EDAR: variants seen among roughly 807,000 people sequenced by gnomAD.
EDAR encodes the protein ectodysplasin A receptor, also known as tumor necrosis factor receptor superfamily member EDAR.
In EDAR, 38 loss-of-function variants were observed where a neutral mutation model predicts 51.3. The ratio of observed to expected loss-of-function variants is 0.74; its 90% confidence interval spans 0.57 to 0.97. EDAR has a LOEUF of 0.97. Among genes scored for constraint, EDAR ranks in the 50% least tolerant of loss-of-function variants. The probability of loss-of-function intolerance (pLI) is 0.00; values close to 1 mark genes in which losing one functional copy is unlikely to be tolerated. For synonymous variants in EDAR, 227 were observed against 242.1 expected (o/e 0.94, Z 0.58); for missense variants, 528 against 595.0 (o/e 0.89, Z 1.17).
At chr2:108,921,012 T>C (rs1260534092) in intron 5 of EDAR, among the ~76,000 whole-genome samples, 1 of 152,134 alleles carries the variant, frequency 6.6e-6, no homozygotes, top group African/African-American at 2.4e-5. Flanking sequence ...AAAATGTACA[T>C]TCTCTGGCTC....
intron 5 of EDAR, among the ~76,000 whole-genome samples, chr2:108,917,938 A>G (rs1360544614): frequency 6.6e-6 from 1 of 152,088 alleles, no homozygotes; most frequent in Non-Finnish European, 1.5e-5. Context: ...AAAAATTGCC[A>G]TGGAAAACAA....
In EDAR at chr2:108,921,903, G is replaced by A. The variant is rs571921685; in HGVS notation, c.442+1465C>T. On this transcript the variant is annotated intron_variant, in intron 5 of 11. Transcript: ENST00000258443. ...TTCTCTGCTGACCTCCTTCAGGGCCGGATTCTAAGGCCCTACCCCGAGGCT... is the reference window on the plus strand; with the variant it reads ...TTCTCTGCTGACCTCCTTCAGGGCCAGATTCTAAGGCCCTACCCCGAGGCT... Among the ~76,000 whole-genome samples the A allele has an allele frequency of 2.0e-3, 299 of 152,356 alleles. 3 individuals carry two copies. The highest frequency in any genetic ancestry group is 2.6e-3 in the Non-Finnish European group (180 of 68,030).
Position 108,907,900 on chromosome 2 carries a change from A to C in EDAR, c.923T>G (p.Leu308Arg). ...PELCLLSLVH[L>R]AREKSATSNK... ...GCTGGTGGCAGACTTCTCCCTGGCC[A>C]GGTGAACCAGCGACAGCAGGCACAG... is the stretch of plus-strand genomic sequence containing the variant. The change falls in exon 10 of 12, where the codon CTG becomes CGG. Residue 308 changes from leucine (L) to arginine (R), a missense_variant. Leu to Arg is a moderately radical substitution (Grantham distance 102, BLOSUM62 -2). Transcript: ENST00000258443. The C allele has an allele frequency of 6.2e-7, 1 of 1,613,650 alleles. No individual in the cohort carries two copies. The highest frequency in any genetic ancestry group is 8.5e-7 in the Non-Finnish European group (1 of 1,180,024).
At chr2:108,969,334 C>T (rs1171226137) in intron 1 of EDAR, among the ~76,000 whole-genome samples, 2 of 152,056 alleles carry the variant, frequency 1.3e-5, no homozygotes, top group African/African-American at 4.8e-5. Flanking sequence ...CTTTCTTGGT[C>T]TTGTTCTTGC....
intron 1 of EDAR, among the ~76,000 whole-genome samples, chr2:108,967,624 G>C (rs1270646437): frequency 6.6e-6 from 1 of 152,208 alleles, no homozygotes; most frequent in Non-Finnish European, 1.5e-5. Flanking sequence ...ATGCCTGACA[G>C]AGTGTGTCTT....
intron 11 of EDAR, among the ~76,000 whole-genome samples, chr2:108,904,736 C>T (rs1696770680): frequency 6.6e-6 from 1 of 152,102 alleles, no homozygotes; most frequent in Non-Finnish European, 1.5e-5. Flanking sequence ...CTTGTGATTC[C>T]ACTTTTATAA....
chr2:108,902,075 T>TA (rs1696711058), intron 11 of EDAR, among the ~76,000 whole-genome samples: 1 of 151,778 alleles, frequency 6.6e-6, no homozygotes, highest in South Asian at 2.1e-4. Context: ...CCATATCTAC[T>TA]AAAAATACAA....
intron 1 of EDAR, among the ~76,000 whole-genome samples, chr2:108,977,417 C>T (rs1379631513): frequency 1.3e-5 from 2 of 152,128 alleles, no homozygotes; most frequent in Admixed American, 6.5e-5. Flanking sequence ...TACAGGCACC[C>T]GCCACCATGC....
chr2:108,927,021 G>A (rs1456134787), intron 4 of EDAR, among the ~76,000 whole-genome samples: 1 of 152,204 alleles, frequency 6.6e-6, no homozygotes, highest in Non-Finnish European at 1.5e-5. Context: ...CCCCTGAGAG[G>A]GGCTGGGATT....
intron 1 of EDAR, among the ~76,000 whole-genome samples, chr2:108,976,746 A>C (rs1698328924): frequency 6.6e-6 from 1 of 152,120 alleles, no homozygotes; most frequent in Non-Finnish European, 1.5e-5. Flanking sequence ...AGCTATGGTG[A>C]CTGGGAGCTC....
chr2:108,911,470 G>A (rs150699832), intron 6 of EDAR, among the ~76,000 whole-genome samples: 48 of 152,294 alleles, frequency 3.2e-4, no homozygotes, highest in African/African-American at 1.1e-3. Flanking sequence ...GTCAGGATGC[G>A]AAAGTCAGCT....
intron 1 of EDAR, among the ~76,000 whole-genome samples, chr2:108,986,914 G>A (rs1217204073): frequency 6.6e-6 from 1 of 152,174 alleles, no homozygotes; most frequent in African/African-American, 2.4e-5. Context: ...TGCTAAGTGG[G>A]CTTAATGTAA....
intron 1 of EDAR, among the ~76,000 whole-genome samples, chr2:108,964,898 C>G (rs372499478): frequency 1.3e-5 from 2 of 152,096 alleles, no homozygotes; most frequent in African/African-American, 4.8e-5. Flanking sequence ...AATAACAGCA[C>G]GTCTGGAATA....
intron 11 of EDAR, among the ~76,000 whole-genome samples, chr2:108,901,792 G>C (rs1414410357): frequency 6.6e-6 from 1 of 152,182 alleles, no homozygotes; most frequent in Non-Finnish European, 1.5e-5. Flanking sequence ...AACTATTAAG[G>C]AAGCTGAATT....
intron 5 of EDAR, among the ~76,000 whole-genome samples, chr2:108,917,806 A>T (rs2105418358): frequency 6.6e-6 from 1 of 152,252 alleles, no homozygotes; most frequent in African/African-American, 2.4e-5. Flanking sequence ...CCGGTCCCAA[A>T]GTGCCAACCT....
At chr2:108,935,019 G>A (rs1697439714) in intron 1 of EDAR, among the ~76,000 whole-genome samples, 1 of 152,202 alleles carries the variant, frequency 6.6e-6, no homozygotes. Context: ...CACTCTTTTG[G>A]AGTCAAGCGT....
Position 108,910,536 on chromosome 2 carries a change from C to T in EDAR, c.731-4G>A. On this transcript the variant is annotated splice_region_variant and splice_polypyrimidine_tract_variant and intron_variant, in intron 8 of 11. Coordinates refer to ENST00000258443, the MANE Select transcript of EDAR (RefSeq NM_022336.4). ...TCGGAGAACATCACCACGTTGTCTG[C>T]AGGGAAATGGGGAGGTTGGGGAGAT... 2 of 1,611,636 alleles carry T rather than the reference C, an allele frequency of 1.2e-6. No individual in the cohort carries two copies. Among genetic ancestry groups the T allele is most frequent in the Non-Finnish European group, 8.5e-7 (1 of 1,177,970 alleles).
intron 1 of EDAR, among the ~76,000 whole-genome samples, chr2:108,985,292 G>C (rs1410473017): frequency 6.6e-6 from 1 of 152,190 alleles, no homozygotes; most frequent in Admixed American, 6.5e-5. Context: ...AGAGTAACGT[G>C]ACTGTGGTTG....
At chr2:108,981,842 T>A (rs963013236) in intron 1 of EDAR, among the ~76,000 whole-genome samples, 1 of 152,162 alleles carries the variant, frequency 6.6e-6, no homozygotes, top group Non-Finnish European at 1.5e-5. Context: ...TGTGAAGCAG[T>A]GATGATTGTC....
Sources: gnomAD v4.1 joint callset for allele counts (sites outside exome capture counted in the v4.1 genomes callset) on GRCh38, gnomAD v4.1.1 for gene constraint, MANE v1.5 for transcripts, NCBI Gene and HGNC (gene_info 2026-07-23, HGNC 2026-07-21) for gene names.